Variants in ARID4B observed in about 807,000 individuals in gnomAD.
ARID4B encodes the protein AT-rich interaction domain 4B.
In ARID4B, 26 loss-of-function variants were observed where a neutral mutation model predicts 147.5. The observed-to-expected ratio is 0.18, with a 90% CI of 0.13 to 0.24. The LOEUF (loss-of-function observed/expected upper bound fraction) is 0.24, where lower values mean the gene tolerates loss of function less well. Ranked by LOEUF, ARID4B falls within the 10% of genes least tolerant of loss-of-function variation. The probability of loss-of-function intolerance (pLI) is 1.00; values close to 1 mark genes in which losing one functional copy is unlikely to be tolerated. For missense variants in ARID4B, 1,179 were observed against 1,511.5 expected (o/e 0.78, Z 3.65); for synonymous variants, 512 against 507.9 (o/e 1.01, Z -0.11).
intron 3 of ARID4B, 136 bp from the exon 4 acceptor site, chr1:235,257,361 G>A (rs1269837940): frequency 5.3e-6 from 3 of 568,214 alleles, no homozygotes; most frequent in Non-Finnish European, 9.3e-6. Context: ...CAATCCCTAA[G>A]TAGATTAACT....
intron 2 of ARID4B, among the ~76,000 whole-genome samples, chr1:235,293,050 C>T (rs1287265004): frequency 6.6e-6 from 1 of 152,212 alleles, no homozygotes; most frequent in Non-Finnish European, 1.5e-5. Context: ...GGCAGCAAAT[C>T]TAAGATCCAC....
At chr1:235,227,204 A>T (rs1210864729) in intron 11 of ARID4B, among the ~76,000 whole-genome samples, 2 of 152,226 alleles carry the variant, frequency 1.3e-5, no homozygotes, top group Non-Finnish European at 2.9e-5. Context: ...CTATAGCATA[A>T]AGTTCAAGGG....
At chr1:235,190,039 T>TA (rs1469386182) in intron 19 of ARID4B, 1 of 154,292 alleles carries the variant, frequency 6.5e-6, no homozygotes, top group Non-Finnish European at 1.5e-5. Context: ...AAAATATATC[T>TA]ACACAAGGCT....
chr1:235,205,841 G>A (rs2102990016), intron 17 of ARID4B, among the ~76,000 whole-genome samples: 1 of 152,236 alleles, frequency 6.6e-6, no homozygotes, highest in East Asian at 1.9e-4. Context: ...AAAGCACAAT[G>A]AGATAAACAG....
chr1:235,231,170 C>A lies in ARID4B; in HGVS notation c.685G>T (p.Asp229Tyr), dbSNP rs1461437229. 6.3e-7 allele frequency: 1 copy of A among 1,585,956 alleles called. No individual in the cohort carries two copies. The highest frequency in any genetic ancestry group is 1.8e-5 in the Admixed American group (1 of 55,658). The stretch of plus-strand genomic sequence containing the variant: ...GTGTCACTAGTAATTTCATGGACAT[C>A]TTTTCTTGGAACTGAAGTACTATAT... ...DGKFTSVPRK[D>Y]VHEITSDTAP... The change falls in exon 10 of 24, where the codon GAT (aspartate) becomes TAT (tyrosine). Residue 229 changes from aspartate (D) to tyrosine (Y), a missense_variant. By Grantham distance (160) the Asp-to-Tyr change is radical. Transcript: ENST00000264183.
intron 17 of ARID4B, among the ~76,000 whole-genome samples, chr1:235,209,102 T>C (rs1666522073): frequency 6.6e-6 from 1 of 152,198 alleles, no homozygotes; most frequent in African/African-American, 2.4e-5. Flanking sequence ...GAAAACAAAC[T>C]TGCCCAAATG....
chr1:235,271,507 G>T (rs1352544565), intron 2 of ARID4B, among the ~76,000 whole-genome samples: 1 of 151,786 alleles, frequency 6.6e-6, no homozygotes, highest in African/African-American at 2.4e-5. Flanking sequence ...GTAGGCACCT[G>T]TAATCCCAGC....
intron 10 of ARID4B, 147 bp from the exon 11 acceptor site, chr1:235,229,532 G>A: frequency 1.6e-6 from 1 of 622,128 alleles, no homozygotes; most frequent in Non-Finnish European, 2.7e-6. Flanking sequence ...TGTGTTAAGT[G>A]CTTTTAAATG....
intron 14 of ARID4B, among the ~76,000 whole-genome samples, chr1:235,220,890 GTTTTTTTTTGT>G (rs1291053825): frequency 2.0e-5 from 3 of 148,974 alleles, no homozygotes; most frequent in East Asian, 2.1e-4. Flanking sequence ...TCCTTTTTTT[GTTTTTTTTTGT>G]TTTTTTTTGT....
At chr1:235,172,097 G>A (rs1663407505) in intron 23 of ARID4B, among the ~76,000 whole-genome samples, 1 of 152,156 alleles carries the variant, frequency 6.6e-6, no homozygotes, top group Non-Finnish European at 1.5e-5. Flanking sequence ...TTATTAGGAT[G>A]TTTTTGGTAG....
At chr1:235,256,809 A>G (rs909436797) in intron 4 of ARID4B, among the ~76,000 whole-genome samples, 1 of 151,712 alleles carries the variant, frequency 6.6e-6, no homozygotes, top group African/African-American at 2.4e-5. Flanking sequence ...AAATAAATGT[A>G]GTCAATGCTT....
At chr1:235,259,492 G>A in intron 3 of ARID4B, among the ~76,000 whole-genome samples, 1 of 152,228 alleles carries the variant, frequency 6.6e-6, no homozygotes. Flanking sequence ...CAGTAGTCCT[G>A]AAAAAGTACA....
intron 12 of ARID4B, among the ~76,000 whole-genome samples, chr1:235,223,956 T>C (rs1170835459): frequency 1.3e-5 from 2 of 152,166 alleles, no homozygotes; most frequent in African/African-American, 4.8e-5. Context: ...TGTAAAGAAA[T>C]AATACAAGAA....
At chr1:235,222,820 T>A (rs1188867153) in intron 13 of ARID4B, among the ~76,000 whole-genome samples, 3 of 151,862 alleles carry the variant, frequency 2.0e-5, no homozygotes, top group African/African-American at 7.3e-5. Context: ...GTAGCTGGGA[T>A]TACAAGCGTG....
Position 235,220,487 on chromosome 1 carries a change from A to G in ARID4B, c.1222T>C (p.Leu408=), listed in dbSNP as rs1458888139. The G allele has an allele frequency of 1.2e-6, 2 of 1,612,436 alleles. No individual in the cohort carries two copies. The highest frequency in any genetic ancestry group is 1.7e-5 in the Admixed American group (1 of 59,988). Reference sequence around the variant, plus strand: ...TGCTTGTTAACAACTTTCTCTGGCAATGCCATCTGAAATTCAATGTTGGCT... The same window carrying G: ...TGCTTGTTAACAACTTTCTCTGGCAGTGCCATCTGAAATTCAATGTTGGCT... ...RSANIEFQMA[L]PEKVVNKQCK... is the part of the protein sequence containing the mutation. Residue 408 remains leucine, a synonymous_variant, in exon 15 of 24, where the codon TTG becomes CTG. Coordinates refer to ENST00000264183, the MANE Select transcript of ARID4B (RefSeq NM_016374.6).
intron 18 of ARID4B, 43 bp downstream of exon 18, chr1:235,195,985 ACTT>A (rs749405599): frequency 3.4e-6 from 4 of 1,182,018 alleles, no homozygotes; most frequent in Admixed American, 4.3e-5. Context: ...TTGGAGGAAA[ACTT>A]CTTTTTAAGA....
At chr1:235,303,486 G>A (rs1043807688) in intron 2 of ARID4B, among the ~76,000 whole-genome samples, 3 of 152,076 alleles carry the variant, frequency 2.0e-5, no homozygotes, top group African/African-American at 7.2e-5. Flanking sequence ...CACTTTGAGG[G>A]GCCAAGGCAA....
intron 18 of ARID4B, among the ~76,000 whole-genome samples, chr1:235,195,619 T>C (rs1393483705): frequency 1.3e-5 from 2 of 151,752 alleles, no homozygotes; most frequent in African/African-American, 4.8e-5. Context: ...CTTGTGAATA[T>C]ATTCTAAGCC....
In ARID4B at chr1:235,320,299, C is replaced by T. The variant is rs116766629; in HGVS notation, c.6+6615G>A. On this transcript the variant is annotated intron_variant, in intron 2 of 23. Coordinates refer to ENST00000264183, the MANE Select transcript of ARID4B (RefSeq NM_016374.6). ...CAGCCTAGGCAACAGAGAGAGGCTC[C>T]GTCTCAAAAGAAAAGGAGGGAGGGC... Among the ~76,000 whole-genome samples, 870 of 152,100 alleles carry T rather than the reference C, an allele frequency of 5.7e-3. 9 individuals are homozygous for T. The highest frequency in any genetic ancestry group is 0.019 in the African/African-American group (768 of 41,466).
Sources: allele counts gnomAD v4.1 joint callset (sites outside exome capture counted in the v4.1 genomes callset), GRCh38; gene constraint gnomAD v4.1.1; transcripts MANE v1.5; gene names NCBI Gene and HGNC (gene_info 2026-07-23, HGNC 2026-07-21).